The following PLD5 variants were observed in gnomAD, a reference collection of about 807,000 sequenced individuals.
PLD5 encodes phospholipase D family member 5, also known as inactive phospholipase D5.
Under a neutral mutation model 61.1 loss-of-function variants are expected in PLD5, and 36 were observed. That is an observed-to-expected ratio of 0.59 (90% CI 0.45 to 0.78). The LOEUF is 0.78. PLD5 is among the 30% of genes least tolerant of loss of function. The pLI, the probability that PLD5 is intolerant of heterozygous loss-of-function variation, is 0.00. For missense variants in PLD5, 515 were observed against 644.4 expected (o/e 0.80, Z 2.17); for synonymous variants, 243 against 242.8 (o/e 1.00, Z -0.01).
chr1:242,230,619 G>T (rs1195833803), intron 4 of PLD5, among the ~76,000 whole-genome samples: 1 of 152,066 alleles, frequency 6.6e-6, no homozygotes, highest in African/African-American at 2.4e-5. Flanking sequence ...AACATGAAAG[G>T]GTGAAAATCT....
intron 4 of PLD5, among the ~76,000 whole-genome samples, chr1:242,234,382 C>T (rs1182680672): frequency 6.6e-6 from 1 of 152,184 alleles, no homozygotes; most frequent in Non-Finnish European, 1.5e-5. Context: ...TCTCAACACT[C>T]TTGCCAAACC....
chr1:242,449,439 C>T, intron 1 of PLD5: 2 of 1,535,382 alleles, frequency 1.3e-6, no homozygotes. Flanking sequence ...GCCTCTGGAG[C>T]CTTCAGAGGC....
At chr1:242,202,117 G>A (rs1244469822) in intron 5 of PLD5, among the ~76,000 whole-genome samples, 1 of 152,182 alleles carries the variant, frequency 6.6e-6, no homozygotes, top group African/African-American at 2.4e-5. Context: ...AGGAGGCTGA[G>A]GCAGGAGAAT....
chr1:242,488,578 G>A (rs932437334), intron 1 of PLD5, among the ~76,000 whole-genome samples: 162 of 152,296 alleles, frequency 1.1e-3, no homozygotes, highest in African/African-American at 3.8e-3. Flanking sequence ...AGTGGCCAAG[G>A]GCTCAGGGGA....
At chr1:242,107,331 T>A (rs1661138490) in intron 8 of PLD5, among the ~76,000 whole-genome samples, 1 of 151,942 alleles carries the variant, frequency 6.6e-6, no homozygotes, top group Non-Finnish European at 1.5e-5. Flanking sequence ...CAAAATTAGC[T>A]GAGCCTGGGA....
At chr1:242,469,674 C>T (rs559351245) in intron 1 of PLD5, among the ~76,000 whole-genome samples, 1 of 152,240 alleles carries the variant, frequency 6.6e-6, no homozygotes, top group East Asian at 1.9e-4. Context: ...CTATGCCCAG[C>T]TAATTTTTAA....
At chr1:242,271,343 C>T (rs1674069886) in intron 3 of PLD5, among the ~76,000 whole-genome samples, 1 of 126,166 alleles carries the variant, frequency 7.9e-6, no homozygotes, top group African/African-American at 2.6e-5. Context: ...GCAAATAATA[C>T]CAAAATAAAA....
intron 4 of PLD5, among the ~76,000 whole-genome samples, chr1:242,247,014 C>G (rs1173060682): frequency 2.1e-5 from 3 of 139,572 alleles, no homozygotes; most frequent in Non-Finnish European, 4.5e-5. Flanking sequence ...GACGGAGTTT[C>G]GCTCTGTCGC....
At chr1:242,511,889 T>C (rs989936035) in intron 1 of PLD5, among the ~76,000 whole-genome samples, 2 of 152,226 alleles carry the variant, frequency 1.3e-5, no homozygotes, top group African/African-American at 4.8e-5. Flanking sequence ...TTGTACTATG[T>C]TTGCAAATTT....
intron 2 of PLD5, among the ~76,000 whole-genome samples, chr1:242,329,365 C>T (rs909912172): frequency 5.9e-5 from 9 of 152,036 alleles, no homozygotes; most frequent in Non-Finnish European, 1.0e-4. Flanking sequence ...GTCCTGAAGC[C>T]TCCTCTTATC....
rs375138302 is a variant in PLD5 at position 242,086,423 on chromosome 1, G to C, written c.*3431C>G. The stretch of plus-strand genomic sequence containing the variant: ...TTTCTATCAGGTTCAGGTACCTAAA[G>C]CTTGTTGTTTACAAAGCATGGATGT... On this transcript the variant is annotated 3_prime_UTR_variant, in exon 10 of 10. Transcript: ENST00000536534. 4 of 152,252 alleles carry C rather than the reference G, an allele frequency of 2.6e-5. 1 individual carries two copies. The allele number at this position is 152,252 out of a possible 1,614,324, so 9.4% of individuals were successfully genotyped here.
At chr1:242,413,531 T>C (rs1480868366) in intron 1 of PLD5, among the ~76,000 whole-genome samples, 4 of 152,226 alleles carry the variant, frequency 2.6e-5, no homozygotes, top group Admixed American at 6.5e-5. Context: ...CTGTTTTTCA[T>C]TGAGACCAAT....
chr1:242,394,715 T>C (rs1206909716), intron 1 of PLD5, among the ~76,000 whole-genome samples: 52 of 58,958 alleles, frequency 8.8e-4, no homozygotes, highest in Non-Finnish European at 1.2e-3. Flanking sequence ...CATATATGTG[T>C]ATATATGTGA....
intron 9 of PLD5, among the ~76,000 whole-genome samples, chr1:242,096,977 C>T (rs1660299550): frequency 1.3e-5 from 2 of 151,222 alleles, no homozygotes; most frequent in Non-Finnish European, 2.9e-5. Flanking sequence ...TCAATTCCCA[C>T]CTATGAGTGA....
intron 1 of PLD5, among the ~76,000 whole-genome samples, chr1:242,462,134 AAATTCTTTGCCAAG>A (rs1294046937): frequency 1.3e-5 from 2 of 152,164 alleles, no homozygotes; most frequent in African/African-American, 4.8e-5. Flanking sequence ...GCTTTGCCAA[AAATTCTTTGCCAAG>A]ACTAATGCAT....
At chr1:242,369,380 A>G (rs367822419) in intron 1 of PLD5, among the ~76,000 whole-genome samples, 18 of 152,312 alleles carry the variant, frequency 1.2e-4, no homozygotes, top group African/African-American at 4.1e-4. Context: ...TCTACTTCCA[A>G]TATTTAATTT....
intron 2 of PLD5, among the ~76,000 whole-genome samples, chr1:242,301,602 A>G (rs1461257050): frequency 2.6e-5 from 4 of 152,158 alleles, no homozygotes; most frequent in Non-Finnish European, 5.9e-5. Flanking sequence ...AGGAATCTAC[A>G]TAACAACCTT....
chr1:242,527,935 T>C (rs143815043), upstream of PLD5, among the ~76,000 whole-genome samples: 272 of 152,344 alleles, frequency 1.8e-3, 3 homozygotes, highest in African/African-American at 6.1e-3. Flanking sequence ...ACAGGTGTTA[T>C]GGACCATCCA....
chr1:242,084,327 T>C lies in PLD5; in HGVS notation c.*5527A>G, dbSNP rs1412909877. On this transcript the variant is annotated 3_prime_UTR_variant, in exon 10 of 10. Transcript: ENST00000536534. ...TTTTTTAAAAGTATGCCTCTCAGAT[T>C]GATTCTCTTTATGAAAACAGCACCC... 6.6e-6 allele frequency: 1 copy of C among 152,132 alleles called. No individual in the cohort carries two copies. The highest frequency in any genetic ancestry group is 1.5e-5 in the Non-Finnish European group (1 of 68,022). The allele number at this position is 152,132 out of a possible 1,614,324, so 9.4% of individuals were successfully genotyped here.
Sources: gnomAD v4.1 joint callset for allele counts (sites outside exome capture counted in the v4.1 genomes callset) on GRCh38, gnomAD v4.1.1 for gene constraint, MANE v1.5 for transcripts, NCBI Gene and HGNC (gene_info 2026-07-23, HGNC 2026-07-21) for gene names.